Variants in FBXO15 observed in about 807,000 individuals in gnomAD.
FBXO15 encodes the protein F-box only protein 15.
FBXO15 carries 30 observed loss-of-function variants against 49.5 expected under a neutral mutation model. The ratio of observed to expected loss-of-function variants is 0.61; its 90% CI spans 0.45 to 0.82. FBXO15 has a LOEUF of 0.82. Ranked by LOEUF, FBXO15 falls within the 40% of genes least tolerant of loss-of-function variation. FBXO15 has a pLI of 0.00. For missense variants in FBXO15, 591 were observed against 631.5 expected (o/e 0.94, Z 0.69); for synonymous variants, 250 against 232.7 (o/e 1.07, Z -0.68).
At chr18:74,111,057 G>A (rs573523425) in intron 8 of FBXO15, among the ~76,000 whole-genome samples, 6 of 151,982 alleles carry the variant, frequency 3.9e-5, no homozygotes, top group East Asian at 1.9e-4. Context: ...ATAAATCAAC[G>A]GGGTATAATG....
intron 3 of FBXO15, among the ~76,000 whole-genome samples, chr18:74,131,068 C>T (rs1045274933): frequency 2.6e-5 from 4 of 152,124 alleles, no homozygotes; most frequent in African/African-American, 9.7e-5. Context: ...TGTATGTACA[C>T]ACACCAAGAA....
At chr18:74,094,989 G>A (rs1027033948) in intron 8 of FBXO15, among the ~76,000 whole-genome samples, 2 of 152,190 alleles carry the variant, frequency 1.3e-5, no homozygotes, top group African/African-American at 4.8e-5. Context: ...GCACTTTTAT[G>A]CTGTGGATAT....
intron 8 of FBXO15, among the ~76,000 whole-genome samples, chr18:74,121,947 T>C (rs1392941649): frequency 6.6e-6 from 1 of 152,184 alleles, no homozygotes; most frequent in Non-Finnish European, 1.5e-5. Flanking sequence ...CGCCCTCCAC[T>C]TGTAAGATAA....
intron 1 of FBXO15, among the ~76,000 whole-genome samples, chr18:74,144,448 A>G (rs1459142506): frequency 1.3e-5 from 2 of 152,126 alleles, no homozygotes; most frequent in Non-Finnish European, 1.5e-5. Flanking sequence ...CATGCAAAAG[A>G]AGGCCAGGGA....
At chr18:74,146,811 AT>A (rs537946858) in intron 1 of FBXO15, among the ~76,000 whole-genome samples, 128 of 152,298 alleles carry the variant, frequency 8.4e-4, no homozygotes, top group Non-Finnish European at 1.5e-3. Context: ...CTAGTATGTA[AT>A]AGACTCCCTT....
Position 74,129,588 on chromosome 18 carries a change from A to ATAAT in FBXO15, c.598_601dup (p.Ile201AsnfsTer17). ...TTCTTTTCCACCTTTTTCTTTCAGT[A>ATAAT]TAATTGCCCAACCTAAACCAAATAT... On this transcript the variant is annotated frameshift_variant, in exon 5 of 10. Transcript: ENST00000419743. LOFTEE classifies it high-confidence loss of function. The ATAAT allele has an allele frequency of 6.2e-7, 1 of 1,612,250 alleles. No homozygotes were observed. Among genetic ancestry groups the ATAAT allele is most frequent in the Non-Finnish European group, 8.5e-7 (1 of 1,179,810 alleles).
chr18:74,120,067 G>A (rs184918829), intron 8 of FBXO15, among the ~76,000 whole-genome samples: 174 of 152,334 alleles, frequency 1.1e-3, no homozygotes, highest in Non-Finnish European at 1.3e-3. Context: ...GGCATAGAAG[G>A]CACAGCGTTT....
chr18:74,130,788 T>A, intron 3 of FBXO15, 130 bp from the exon 4 acceptor site: 3 of 998,970 alleles, frequency 3.0e-6, no homozygotes, highest in Non-Finnish European at 4.3e-6. Context: ...ATATTTACAG[T>A]TGAACGTTCA....
chr18:74,110,707 G>A (rs1411077658), intron 8 of FBXO15, among the ~76,000 whole-genome samples: 3 of 149,174 alleles, frequency 2.0e-5, no homozygotes, highest in Non-Finnish European at 4.5e-5. Flanking sequence ...CAAATTAAGT[G>A]GAAGGAAAAA....
intron 2 of FBXO15, among the ~76,000 whole-genome samples, chr18:74,136,237 A>G (rs1007905489): frequency 3.3e-5 from 5 of 152,188 alleles, no homozygotes; most frequent in Non-Finnish European, 7.3e-5. Context: ...GCTAGAATGC[A>G]GTGGCATGAT....
chr18:74,090,629 ATTTC>A, intron 8 of FBXO15, among the ~76,000 whole-genome samples: 1 of 152,244 alleles, frequency 6.6e-6, no homozygotes, highest in East Asian at 1.9e-4. Flanking sequence ...GTTTCAAATA[ATTTC>A]TTTATTTCTG....
intron 8 of FBXO15, among the ~76,000 whole-genome samples, chr18:74,105,894 T>A (rs994512541): frequency 3.9e-4 from 60 of 152,230 alleles, no homozygotes; most frequent in African/African-American, 1.3e-3. Context: ...ATGAATCTGC[T>A]CAAAATACAA....
At chr18:74,093,588 T>C (rs1262030921) in intron 8 of FBXO15, among the ~76,000 whole-genome samples, 1 of 152,244 alleles carries the variant, frequency 6.6e-6, no homozygotes, top group East Asian at 1.9e-4. Flanking sequence ...CCTGCTCATC[T>C]GTAAGAAGCA....
rs1478065293 is a variant in FBXO15, at chr18:74,135,792, C to T, written c.302G>A (p.Ser101Asn). Residue 101 changes from serine (S) to asparagine (N), a missense_variant, in exon 3 of 10, where the codon AGC becomes AAC. Physicochemically the swap from Ser to Asn is conservative, Grantham distance 46. Coordinates refer to ENST00000419743, the MANE Select transcript of FBXO15 (RefSeq NM_001142958.2). ...AVSLLCTGCVSRRFYHLANDN... is the reference protein window; with the variant it reads ...AVSLLCTGCVNRRFYHLANDN... ...ATTGGCTAGATGATAAAAGCGCCTG[C>T]TCACACATCCAGTACACAGAAGGCT... The T allele has an allele frequency of 6.2e-7, 1 of 1,609,966 alleles. No homozygotes were observed. Among genetic ancestry groups the T allele is most frequent in the Non-Finnish European group, 8.5e-7 (1 of 1,179,046 alleles).
chr18:74,108,070 C>T (rs189852392), intron 8 of FBXO15, among the ~76,000 whole-genome samples: 52 of 152,198 alleles, frequency 3.4e-4, no homozygotes, highest in African/African-American at 1.3e-3. Context: ...ACACACACAC[C>T]TTACCACCAC....
intron 8 of FBXO15, among the ~76,000 whole-genome samples, chr18:74,107,620 G>A (rs1221005582): frequency 6.6e-6 from 1 of 152,148 alleles, no homozygotes; most frequent in Non-Finnish European, 1.5e-5. Context: ...AGCTGTAAAT[G>A]ATAAGCTGCT....
chr18:74,080,850 A>C (rs1374933165), intron 9 of FBXO15, among the ~76,000 whole-genome samples: 2 of 152,248 alleles, frequency 1.3e-5, no homozygotes, highest in African/African-American at 4.8e-5. Context: ...GAAAACACAG[A>C]ACAAATTATT....
intron 5 of FBXO15, 49 bp from the exon 6 acceptor site, chr18:74,126,150 T>C (rs1455565793): frequency 1.2e-6 from 2 of 1,605,420 alleles, no homozygotes; most frequent in East Asian, 2.2e-5. Context: ...AGCTTTCCTG[T>C]CCATAGTGTT....
intron 8 of FBXO15, among the ~76,000 whole-genome samples, chr18:74,089,131 C>CCA (rs199842332): frequency 6.6e-6 from 1 of 152,010 alleles, no homozygotes; most frequent in African/African-American, 2.4e-5. Flanking sequence ...CTCTCTCTTT[C>CCA]CACACACACA....
Sources: allele counts gnomAD v4.1 joint callset (sites outside exome capture counted in the v4.1 genomes callset), GRCh38; gene constraint gnomAD v4.1.1; transcripts MANE v1.5; gene names NCBI Gene and HGNC (gene_info 2026-07-23, HGNC 2026-07-21).